KCNIP4: variants seen among roughly 807,000 people sequenced by gnomAD.
KCNIP4 encodes the protein Kv channel-interacting protein 4.
In KCNIP4, 12 loss-of-function variants were observed where a neutral mutation model predicts 34.0. That is an observed-to-expected ratio of 0.35 (90% CI 0.23 to 0.57). KCNIP4 has a LOEUF of 0.57. Ranked by LOEUF, KCNIP4 falls within the 20% of genes least tolerant of loss-of-function variation. The pLI is 0.83. For synonymous variants in KCNIP4, 124 were observed against 102.2 expected, an observed-to-expected ratio of 1.21 and a Z score of -1.29; for missense variants, 238 against 311.7, an observed-to-expected ratio of 0.76 and a Z score of 1.78.
chr4:20,834,020 G>A (rs1352607282), intron 3 of KCNIP4, among the ~76,000 whole-genome samples: 1 of 152,184 alleles, frequency 6.6e-6, no homozygotes, highest in Non-Finnish European at 1.5e-5. Context: ...CGGGATCCAA[G>A]AATACATAGC....
intron 2 of KCNIP4, among the ~76,000 whole-genome samples, chr4:20,856,086 A>T (rs1309053709): frequency 1.3e-5 from 2 of 152,190 alleles, no homozygotes; most frequent in Non-Finnish European, 2.9e-5. Context: ...ATTCTATTCA[A>T]TGGGTCCTGA....
At chr4:21,157,544 G>A (rs1039030329) in intron 1 of KCNIP4, among the ~76,000 whole-genome samples, 4 of 151,650 alleles carry the variant, frequency 2.6e-5, no homozygotes, top group Non-Finnish European at 4.4e-5. Context: ...GGAGATACCT[G>A]GAATGAATGA....
intron 1 of KCNIP4, among the ~76,000 whole-genome samples, chr4:21,456,458 T>A (rs573004091): frequency 6.7e-6 from 1 of 148,400 alleles, no homozygotes; most frequent in Admixed American, 6.6e-5. Context: ...ATCATATCAA[T>A]GTACTACCCA....
At chr4:21,634,055 T>C (rs1370063005) in intron 1 of KCNIP4, among the ~76,000 whole-genome samples, 3 of 151,916 alleles carry the variant, frequency 2.0e-5, no homozygotes, top group Non-Finnish European at 4.4e-5. Context: ...TCAGTGTTAC[T>C]ACAAAAATAG....
intron 1 of KCNIP4, among the ~76,000 whole-genome samples, chr4:21,156,740 C>G (rs562886391): frequency 6.6e-6 from 1 of 151,986 alleles, no homozygotes; most frequent in Admixed American, 6.6e-5. Flanking sequence ...ATATCATCAT[C>G]TTTTTATATA....
chr4:21,699,801 A>C (rs114450641), intron 1 of KCNIP4, among the ~76,000 whole-genome samples: 2,191 of 152,214 alleles, frequency 0.014, 41 homozygotes, highest in African/African-American at 0.042. Flanking sequence ...TCTTTGCCAG[A>C]AAGCCACTCT....
intron 1 of KCNIP4, among the ~76,000 whole-genome samples, chr4:21,565,082 C>A (rs1243819963): frequency 6.6e-6 from 1 of 152,124 alleles, no homozygotes; most frequent in Non-Finnish European, 1.5e-5. Flanking sequence ...AAGTTGCATA[C>A]AATGGAGATA....
chr4:21,623,011 C>T (rs1745093554), intron 1 of KCNIP4, among the ~76,000 whole-genome samples: 7 of 152,170 alleles, frequency 4.6e-5, no homozygotes. Flanking sequence ...CTTATGACAT[C>T]ACTTAAATGA....
At chr4:21,739,253 C>T (rs1399666512) in intron 1 of KCNIP4, among the ~76,000 whole-genome samples, 1 of 151,696 alleles carries the variant, frequency 6.6e-6, no homozygotes, top group African/African-American at 2.4e-5. Context: ...GATGTATTAC[C>T]CTAAGACCAT....
intron 1 of KCNIP4, among the ~76,000 whole-genome samples, chr4:21,298,814 G>A (rs938443370): frequency 6.6e-6 from 1 of 152,154 alleles, no homozygotes; most frequent in African/African-American, 2.4e-5. Context: ...GTAAGTGATT[G>A]AGAGTATTTC....
chr4:20,780,936 C>T (rs1055148103), intron 3 of KCNIP4, among the ~76,000 whole-genome samples: 1 of 152,102 alleles, frequency 6.6e-6, no homozygotes, highest in Non-Finnish European at 1.5e-5. Flanking sequence ...TTTTCTTGCT[C>T]TTTGTTCTTT....
At chr4:21,318,295 T>A (rs1714001210) in intron 1 of KCNIP4, among the ~76,000 whole-genome samples, 1 of 152,216 alleles carries the variant, frequency 6.6e-6, no homozygotes, top group African/African-American at 2.4e-5. Context: ...TTTTGTGTTA[T>A]CATTAAATTT....
At chr4:21,132,691 G>A (rs2109177882) in intron 1 of KCNIP4, among the ~76,000 whole-genome samples, 1 of 152,162 alleles carries the variant, frequency 6.6e-6, no homozygotes, top group East Asian at 1.9e-4. Flanking sequence ...TGTAGCAGAT[G>A]CAGATTTATA....
At chr4:21,531,758 A>G (rs1203019510) in intron 1 of KCNIP4, among the ~76,000 whole-genome samples, 1 of 152,120 alleles carries the variant, frequency 6.6e-6, no homozygotes, top group Non-Finnish European at 1.5e-5. Flanking sequence ...AATAATGATG[A>G]CAATGGGGTT....
chr4:21,485,410 C>G (rs956327709), intron 1 of KCNIP4, among the ~76,000 whole-genome samples: 2 of 152,140 alleles, frequency 1.3e-5, no homozygotes, highest in East Asian at 1.9e-4. Context: ...CCCTCCTACT[C>G]CCCACTCCCA....
chr4:21,104,835 C>T lies in KCNIP4; in HGVS notation c.62-222126G>A, dbSNP rs552299007. Among the ~76,000 whole-genome samples the T allele has an allele frequency of 3.2e-4, 48 of 151,740 alleles. 2 individuals carry two copies. The highest frequency in any genetic ancestry group is 1.1e-3 in the African/African-American group (47 of 41,064). ...TATGGCTAGCCAGTTTTCCCAGCAC[C>T]ATTTATTAAATAGGGAATCCTTTCC... On this transcript the variant is annotated intron_variant, in intron 1 of 8. Coordinates refer to ENST00000382152, the MANE Select transcript of KCNIP4 (RefSeq NM_025221.6).
At chr4:21,857,907 C>T (rs1186736748) in intron 1 of KCNIP4, among the ~76,000 whole-genome samples, 1 of 152,214 alleles carries the variant, frequency 6.6e-6, no homozygotes, top group Admixed American at 6.5e-5. Flanking sequence ...CTTTGGGGTT[C>T]TGCAGTTTCT....
intron 1 of KCNIP4, among the ~76,000 whole-genome samples, chr4:21,569,895 C>A (rs1412198642): frequency 6.6e-6 from 1 of 152,058 alleles, no homozygotes; most frequent in Non-Finnish European, 1.5e-5. Flanking sequence ...ACATACTAGA[C>A]CACTGAGGGG....
chr4:21,389,781 T>C (rs1722384068), intron 1 of KCNIP4, among the ~76,000 whole-genome samples: 2 of 152,116 alleles, frequency 1.3e-5, no homozygotes, highest in Non-Finnish European at 2.9e-5. Context: ...TGTGTCTTTA[T>C]AGCAGCATAA....
Sources: allele counts gnomAD v4.1 joint callset (sites outside exome capture counted in the v4.1 genomes callset), GRCh38; gene constraint gnomAD v4.1.1; transcripts MANE v1.5; gene names NCBI Gene and HGNC (gene_info 2026-07-23, HGNC 2026-07-21).